Variants in STXBP5L observed in about 807,000 individuals in gnomAD.
STXBP5L encodes the protein syntaxin binding protein 5L.
In STXBP5L, 65 loss-of-function variants were observed where a neutral mutation model predicts 144.5. The ratio of observed to expected loss-of-function variants is 0.45; its 90% confidence interval spans 0.37 to 0.55. The LOEUF (loss-of-function observed/expected upper bound fraction) is 0.55, where lower values mean the gene tolerates loss of function less well. Among genes scored for constraint, STXBP5L ranks in the 20% least tolerant of loss-of-function variants. The probability of loss-of-function intolerance (pLI) is 0.00; values close to 1 mark genes in which losing one functional copy is unlikely to be tolerated. For synonymous variants in STXBP5L, 505 were observed against 469.6 expected (o/e 1.08, Z -0.97); for missense variants, 1,298 against 1,405.5 (o/e 0.92, Z 1.22).
chr3:121,365,678 G>A (rs1425656857), intron 20 of STXBP5L, among the ~76,000 whole-genome samples: 1 of 151,236 alleles, frequency 6.6e-6, no homozygotes, highest in Non-Finnish European at 1.5e-5. Flanking sequence ...CTTCTTACAT[G>A]TAACTAAAGT....
chr3:120,955,002 C>G lies in STXBP5L; in HGVS notation c.252C>G (p.Ile84Met), dbSNP rs968613858. 3.1e-6 allele frequency: 5 copies of G among 1,612,494 alleles called. No individual in the cohort carries two copies. In the African/African-American group the frequency reaches 6.7e-5, roughly 22 times the overall value. Reference protein sequence around the residue: ...TALAFDPVQKILAIGTRTGAI... With the variant: ...TALAFDPVQKMLAIGTRTGAI... ...TAGCCTTTGATCCAGTTCAGAAAAT[C>G]TTGGCTATTGGGACGAGAACAGGTG... Residue 84 changes from isoleucine to methionine, a missense_variant, in exon 3 of 27, where the codon ATC (isoleucine) becomes ATG (methionine). Transcript: ENST00000471454.
intron 3 of STXBP5L, among the ~76,000 whole-genome samples, chr3:120,956,157 G>A (rs913697729): frequency 6.6e-6 from 1 of 151,844 alleles, no homozygotes; most frequent in African/African-American, 2.4e-5. Context: ...AAATGCCCAG[G>A]AGTACAACTG....
intron 3 of STXBP5L, among the ~76,000 whole-genome samples, chr3:120,996,386 T>A (rs909164788): frequency 2.8e-4 from 42 of 152,036 alleles, no homozygotes; most frequent in African/African-American, 9.7e-4. Context: ...TCATATATAT[T>A]TTTTGAACTG....
At chr3:121,413,950 G>C (rs189915230) in intron 24 of STXBP5L, among the ~76,000 whole-genome samples, 1 of 152,100 alleles carries the variant, frequency 6.6e-6, no homozygotes, top group South Asian at 2.1e-4. Context: ...TGAACTATTC[G>C]AGTTGTATTT....
At chr3:121,313,058 C>T (rs1477862977) in intron 19 of STXBP5L, among the ~76,000 whole-genome samples, 12 of 150,778 alleles carry the variant, frequency 8.0e-5, no homozygotes, top group Non-Finnish European at 1.0e-4. Flanking sequence ...CGCCCCTCAC[C>T]TCCCGGATGG....
At chr3:120,998,094 G>A (rs1298928777) in intron 3 of STXBP5L, among the ~76,000 whole-genome samples, 1 of 152,090 alleles carries the variant, frequency 6.6e-6, no homozygotes, top group Non-Finnish European at 1.5e-5. Context: ...AAAATAATTA[G>A]TGCCGTCTAT....
chr3:121,220,400 T>C (rs780515451), intron 10 of STXBP5L, among the ~76,000 whole-genome samples: 11 of 152,100 alleles, frequency 7.2e-5, no homozygotes, highest in Non-Finnish European at 1.2e-4. Context: ...TATCCCTTAA[T>C]AGAATCTTTG....
chr3:121,381,115 CT>C (rs2108682353), intron 21 of STXBP5L, among the ~76,000 whole-genome samples, 177 bp from the exon 22 acceptor site: 1 of 152,230 alleles, frequency 6.6e-6, no homozygotes, highest in African/African-American at 2.4e-5. Flanking sequence ...TACTTCTAGA[CT>C]TCAGTTTCTC....
chr3:121,330,285 T>A (rs1188304772), intron 20 of STXBP5L, among the ~76,000 whole-genome samples: 1 of 152,220 alleles, frequency 6.6e-6, no homozygotes. Context: ...TGGGGCTTAC[T>A]GCTGCCTGCT....
At chr3:121,236,777 A>G (rs536467475) in intron 12 of STXBP5L, among the ~76,000 whole-genome samples, 4 of 152,234 alleles carry the variant, frequency 2.6e-5, no homozygotes, top group Non-Finnish European at 5.9e-5. Context: ...CAAAGTCCGA[A>G]GTCTCATCTG....
At chr3:121,293,962 T>C (rs982097404) in intron 19 of STXBP5L, among the ~76,000 whole-genome samples, 2 of 152,188 alleles carry the variant, frequency 1.3e-5, no homozygotes, top group African/African-American at 2.4e-5. Context: ...GACATAGTCA[T>C]GCGGAAGAGA....
chr3:121,213,335 T>C (rs556744076), intron 10 of STXBP5L, among the ~76,000 whole-genome samples: 3 of 152,340 alleles, frequency 2.0e-5, no homozygotes, highest in Non-Finnish European at 4.4e-5. Context: ...GAGTATGATA[T>C]TGGCTGTGGG....
intron 2 of STXBP5L, among the ~76,000 whole-genome samples, chr3:120,945,564 A>C (rs1710803690): frequency 6.6e-6 from 1 of 151,838 alleles, no homozygotes. Context: ...AAATATGTCC[A>C]AATATGTTGA....
intron 3 of STXBP5L, among the ~76,000 whole-genome samples, chr3:121,029,774 T>C (rs1472703218): frequency 1.3e-5 from 2 of 151,742 alleles, no homozygotes; most frequent in Non-Finnish European, 2.9e-5. Context: ...TTTTTTTGAA[T>C]CTATCCATCT....
chr3:121,259,435 A>G (rs1410235772), intron 18 of STXBP5L, among the ~76,000 whole-genome samples: 1 of 151,634 alleles, frequency 6.6e-6, no homozygotes, highest in African/African-American at 2.4e-5. Flanking sequence ...TTGTTTTTAT[A>G]TTGTCTTTTT....
intron 3 of STXBP5L, among the ~76,000 whole-genome samples, chr3:121,015,201 A>T (rs1469595261): frequency 1.3e-5 from 2 of 152,176 alleles, no homozygotes; most frequent in Admixed American, 6.5e-5. Flanking sequence ...ACAAAATAGC[A>T]AGAAGTTGAC....
intron 2 of STXBP5L, among the ~76,000 whole-genome samples, chr3:120,948,118 A>G (rs892269414): frequency 2.0e-5 from 3 of 151,726 alleles, no homozygotes; most frequent in Admixed American, 6.6e-5. Flanking sequence ...ATGTGTTAAT[A>G]TATCTGTTTT....
intron 10 of STXBP5L, among the ~76,000 whole-genome samples, chr3:121,209,432 ATT>A (rs1223243083): frequency 6.6e-6 from 1 of 151,720 alleles, no homozygotes; most frequent in Non-Finnish European, 1.5e-5. Flanking sequence ...TTTATTTTTT[ATT>A]TTTATTTTAT....
At chr3:121,394,669 A>G (rs1482943964) in intron 22 of STXBP5L, among the ~76,000 whole-genome samples, 1 of 138,900 alleles carries the variant, frequency 7.2e-6, no homozygotes, top group African/African-American at 2.8e-5. Flanking sequence ...CAGTGGCACG[A>G]TCTCAGCTCA....
Sources: gnomAD v4.1 joint callset for allele counts (sites outside exome capture counted in the v4.1 genomes callset) on GRCh38, gnomAD v4.1.1 for gene constraint, MANE v1.5 for transcripts, NCBI Gene and HGNC (gene_info 2026-07-23, HGNC 2026-07-21) for gene names.